EXOC4: variants seen among roughly 807,000 people sequenced by gnomAD.
The protein encoded by EXOC4 is exocyst complex component 4, also known as SEC8-like 1.
In EXOC4, 71 loss-of-function variants were observed where a neutral mutation model predicts 107.2. The observed-to-expected ratio is 0.66, with a 90% CI of 0.55 to 0.81. EXOC4 has a LOEUF of 0.81. EXOC4 is among the 30% of genes least tolerant of loss of function. The probability of loss-of-function intolerance (pLI) is 0.00; values close to 1 mark genes in which losing one functional copy is unlikely to be tolerated. For missense variants in EXOC4, 1,108 were observed against 1,189.6 expected, an observed-to-expected ratio of 0.93 and a Z score of 1.01; for synonymous variants, 456 against 441.2, an observed-to-expected ratio of 1.03 and a Z score of -0.42.
At chr7:133,412,618 T>C (rs1162023087) in intron 7 of EXOC4, among the ~76,000 whole-genome samples, 1 of 151,992 alleles carries the variant, frequency 6.6e-6, no homozygotes, top group Non-Finnish European at 1.5e-5. Flanking sequence ...TTGAGTCTAG[T>C]TGAGTCCAGC....
chr7:133,403,648 G>T (rs1797144341), intron 7 of EXOC4, among the ~76,000 whole-genome samples: 1 of 152,106 alleles, frequency 6.6e-6, no homozygotes, highest in South Asian at 2.1e-4. Flanking sequence ...GCCCCACATT[G>T]GCTGGGTTTT....
chr7:133,872,063 C>T (rs1436131946), intron 11 of EXOC4, among the ~76,000 whole-genome samples: 5 of 151,870 alleles, frequency 3.3e-5, no homozygotes. Flanking sequence ...GGTTGTATCA[C>T]AGCAATGGTG....
At position 133,926,943 on chromosome 7, in the gene EXOC4, G is replaced by A. The variant is rs537614615; in HGVS notation, c.2027+9205G>A. Reference sequence around the variant, plus strand: ...CAGCAAGCAAGATGGTTGATCTTAAGTTATTATTTGGCACGAGTCATATAT... The same window carrying A: ...CAGCAAGCAAGATGGTTGATCTTAAATTATTATTTGGCACGAGTCATATAT... On this transcript the variant is annotated intron_variant, in intron 13 of 17. Coordinates refer to ENST00000253861, the MANE Select transcript of EXOC4 (RefSeq NM_021807.4). Among the ~76,000 whole-genome samples the A allele has an allele frequency of 7.9e-5, 12 of 152,174 alleles. No homozygotes were observed. In the East Asian group the frequency reaches 2.3e-3, roughly 29 times the overall value.
chr7:133,292,266 C>A (rs983939226), intron 3 of EXOC4, among the ~76,000 whole-genome samples: 51 of 152,316 alleles, frequency 3.3e-4, no homozygotes, highest in African/African-American at 1.2e-3. Context: ...ATCACTTGAA[C>A]CTTCAATAGC....
intron 3 of EXOC4, among the ~76,000 whole-genome samples, chr7:133,293,341 C>G (rs1794448606): frequency 6.6e-6 from 1 of 152,128 alleles, no homozygotes; most frequent in Non-Finnish European, 1.5e-5. Flanking sequence ...TTTTCTTTCT[C>G]CATGGTTATG....
chr7:133,848,750 G>A (rs1798184577), intron 11 of EXOC4, among the ~76,000 whole-genome samples: 1 of 151,720 alleles, frequency 6.6e-6, no homozygotes, highest in Non-Finnish European at 1.5e-5. Context: ...ATATCAGTTT[G>A]TCTGGACCAT....
At chr7:133,414,903 C>A (rs1167651251) in intron 7 of EXOC4, among the ~76,000 whole-genome samples, 14 of 152,122 alleles carry the variant, frequency 9.2e-5, no homozygotes, top group Admixed American at 9.2e-4. Context: ...AAAGTCCGTT[C>A]TCTTAGCCAT....
chr7:133,339,750 A>G (rs1795614583), intron 5 of EXOC4, among the ~76,000 whole-genome samples: 1 of 152,042 alleles, frequency 6.6e-6, no homozygotes, highest in Non-Finnish European at 1.5e-5. Context: ...ATTTCTAAGC[A>G]TTTTATTTTA....
intron 9 of EXOC4, among the ~76,000 whole-genome samples, chr7:133,560,373 C>T (rs915039581): frequency 5.9e-5 from 9 of 152,172 alleles, no homozygotes; most frequent in Non-Finnish European, 7.3e-5. Flanking sequence ...CAACCTCCAC[C>T]TCCTGGATTC....
chr7:133,590,648 C>T (rs191535251), intron 9 of EXOC4, among the ~76,000 whole-genome samples: 6 of 152,200 alleles, frequency 3.9e-5, no homozygotes, highest in South Asian at 4.2e-4. Flanking sequence ...GGCTTGATGG[C>T]GGGACTTCGG....
chr7:133,359,532 A>G (rs896181289), intron 6 of EXOC4, among the ~76,000 whole-genome samples: 3 of 152,198 alleles, frequency 2.0e-5, no homozygotes, highest in African/African-American at 7.2e-5. Context: ...CAAAAAATCC[A>G]TGAATCCTGT....
At chr7:134,056,885 T>C (rs1357171686) in intron 17 of EXOC4, among the ~76,000 whole-genome samples, 1 of 152,202 alleles carries the variant, frequency 6.6e-6, no homozygotes, top group East Asian at 1.9e-4. Flanking sequence ...GTGATGGGAA[T>C]GTCCTGGAGG....
Position 134,019,415 on chromosome 7 carries a change from G to GTGATGATGATGA in EXOC4, c.2687+11602_2687+11613dup, listed in dbSNP as rs149056095. ...GGCCTATATTGGTGACTTTCTCTCA[G>GTGATGATGATGA]TGATGATGATGATGATGATGATGAT... is the stretch of plus-strand genomic sequence containing the variant. On this transcript the variant is annotated intron_variant, in intron 17 of 17. Coordinates refer to ENST00000253861, the MANE Select transcript of EXOC4 (RefSeq NM_021807.4). Among the ~76,000 whole-genome samples, 1,196 of 148,726 alleles carry GTGATGATGATGA rather than the reference G, an allele frequency of 8.0e-3. 15 individuals are homozygous for GTGATGATGATGA. The highest frequency in any genetic ancestry group is 0.026 in the Admixed American group (388 of 14,842).
intron 9 of EXOC4, among the ~76,000 whole-genome samples, chr7:133,612,371 T>C (rs1802092323): frequency 6.6e-6 from 1 of 152,192 alleles, no homozygotes; most frequent in African/African-American, 2.4e-5. Flanking sequence ...ATATTGGATT[T>C]TACTCTCTTT....
At chr7:133,386,473 A>G (rs1796729449) in intron 7 of EXOC4, among the ~76,000 whole-genome samples, 1 of 152,118 alleles carries the variant, frequency 6.6e-6, no homozygotes, top group Non-Finnish European at 1.5e-5. Context: ...TTCCTTCGAG[A>G]GCATGCTTCT....
chr7:133,361,079 G>C (rs546688841), intron 6 of EXOC4, among the ~76,000 whole-genome samples: 1 of 152,218 alleles, frequency 6.6e-6, no homozygotes, highest in East Asian at 1.9e-4. Context: ...TTGATTGCAA[G>C]AATAAATTCC....
intron 10 of EXOC4, among the ~76,000 whole-genome samples, chr7:133,769,948 T>C (rs987189465): frequency 2.0e-5 from 3 of 151,858 alleles, no homozygotes; most frequent in Non-Finnish European, 2.9e-5. Flanking sequence ...ATCTGCTGTT[T>C]TTAAATGTCA....
chr7:133,752,277 A>G (rs1358826184), intron 10 of EXOC4, among the ~76,000 whole-genome samples: 2 of 152,198 alleles, frequency 1.3e-5, no homozygotes, highest in Non-Finnish European at 2.9e-5. Context: ...ACTTGTTTTA[A>G]AAGGCGGACT....
intron 7 of EXOC4, among the ~76,000 whole-genome samples, chr7:133,377,706 A>T (rs1796520411): frequency 6.6e-6 from 1 of 152,206 alleles, no homozygotes; most frequent in African/African-American, 2.4e-5. Flanking sequence ...AGATAAACAC[A>T]AAGAAAATCA....
Sources: allele counts gnomAD v4.1 joint callset (sites outside exome capture counted in the v4.1 genomes callset), GRCh38; gene constraint gnomAD v4.1.1; transcripts MANE v1.5; gene names NCBI Gene and HGNC (gene_info 2026-07-23, HGNC 2026-07-21).